Variants in DIAPH1 observed in about 807,000 individuals in gnomAD.
DIAPH1 encodes protein diaphanous homolog 1.
DIAPH1 carries 46 observed loss-of-function variants against 140.7 expected under a neutral mutation model. The ratio of observed to expected loss-of-function variants is 0.33; its 90% CI spans 0.26 to 0.42. The LOEUF (loss-of-function observed/expected upper bound fraction) is 0.42, where lower values mean the gene tolerates loss of function less well. DIAPH1 is among the 10% of genes least tolerant of loss of function. DIAPH1 has a pLI of 1.00. For synonymous variants in DIAPH1, 565 were observed against 551.6 expected (o/e 1.02, Z -0.34); for missense variants, 1,310 against 1,558.7 (o/e 0.84, Z 2.69).
At chr5:141,607,290 T>C (rs568905042) in intron 1 of DIAPH1, among the ~76,000 whole-genome samples, 1 of 152,352 alleles carries the variant, frequency 6.6e-6, no homozygotes, top group South Asian at 2.1e-4. Flanking sequence ...GCATTACCTA[T>C]CTGAGCCCAT....
At chr5:141,581,171 A>G (rs1027503851) in intron 7 of DIAPH1, among the ~76,000 whole-genome samples, 4 of 152,240 alleles carry the variant, frequency 2.6e-5, no homozygotes, top group Non-Finnish European at 4.4e-5. Flanking sequence ...GAGGGAGAAC[A>G]CCATGTGATC....
intron 19 of DIAPH1, 74 bp from the exon 20 acceptor site, chr5:141,529,771 G>A (rs1380038229): frequency 1.3e-5 from 17 of 1,328,522 alleles, no homozygotes; most frequent in Non-Finnish European, 1.7e-5. Flanking sequence ...GCAAACCTAT[G>A]CTGGATAATC....
At chr5:141,529,822 G>A (rs2099887929) in intron 19 of DIAPH1, 125 bp from the exon 20 acceptor site, 2 of 820,524 alleles carry the variant, frequency 2.4e-6, no homozygotes, top group Admixed American at 2.0e-5. Flanking sequence ...AGTGGCTCAT[G>A]CCTGTAATCC....
intron 1 of DIAPH1, among the ~76,000 whole-genome samples, chr5:141,597,841 A>C (rs892006588): frequency 3.9e-5 from 6 of 152,162 alleles, no homozygotes; most frequent in Non-Finnish European, 5.9e-5. Flanking sequence ...TGTCAAGGAT[A>C]CTCATTCCCA....
chr5:141,597,937 G>A (rs1259218330), intron 1 of DIAPH1, among the ~76,000 whole-genome samples: 1 of 152,200 alleles, frequency 6.6e-6, no homozygotes, highest in African/African-American at 2.4e-5. Context: ...ACAGAGCAGT[G>A]TACTCCCTCA....
At position 141,612,717 on chromosome 5, in the gene DIAPH1, T is replaced by C. The variant is rs559390987; in HGVS notation, c.117+6081A>G. On this transcript the variant is annotated intron_variant, in intron 1 of 27. Coordinates refer to ENST00000389054, the MANE Select transcript of DIAPH1 (RefSeq NM_005219.5). Reference sequence around the variant, plus strand: ...ACTGCTATATTCATTATCTTGACTATAGAAATGGTTTCATGAATAAATATG... The same window carrying C: ...ACTGCTATATTCATTATCTTGACTACAGAAATGGTTTCATGAATAAATATG... Among the ~76,000 whole-genome samples the C allele has an allele frequency of 4.6e-5, 7 of 152,308 alleles. No homozygotes were observed. In the East Asian group the frequency reaches 5.8e-4, roughly 13 times the overall value.
At chr5:141,537,794 G>C (rs2099889280) in intron 18 of DIAPH1, among the ~76,000 whole-genome samples, 1 of 152,102 alleles carries the variant, frequency 6.6e-6, no homozygotes, top group African/African-American at 2.4e-5. Flanking sequence ...GACTGGGATA[G>C]GTTATATACG....
At chr5:141,615,606 G>A (rs1431464524) in intron 1 of DIAPH1, among the ~76,000 whole-genome samples, 1 of 152,004 alleles carries the variant, frequency 6.6e-6, no homozygotes, top group Non-Finnish European at 1.5e-5. Context: ...AGCCAGGCGT[G>A]GTGGCAGGTG....
At chr5:141,517,196 AAGAG>A (rs1156593536) in intron 27 of DIAPH1, among the ~76,000 whole-genome samples, 188 bp from the exon 28 acceptor site, 3 of 152,224 alleles carry the variant, frequency 2.0e-5, no homozygotes, top group South Asian at 2.1e-4. Context: ...CAAAGAATGT[AAGAG>A]AGTGTGGTGC....
chr5:141,590,410 T>C (rs1300276440), intron 1 of DIAPH1, among the ~76,000 whole-genome samples: 2 of 152,134 alleles, frequency 1.3e-5, no homozygotes, highest in Non-Finnish European at 2.9e-5. Context: ...GATTATGTAA[T>C]AGAAGCAAAG....
intron 18 of DIAPH1, among the ~76,000 whole-genome samples, chr5:141,567,573 C>T (rs2099894571): frequency 6.6e-6 from 1 of 152,190 alleles, no homozygotes. Context: ...ATGGAACAGA[C>T]ATCTTTCTGC....
intron 18 of DIAPH1, among the ~76,000 whole-genome samples, chr5:141,548,104 T>G (rs1490561902): frequency 2.0e-5 from 3 of 151,740 alleles, no homozygotes; most frequent in Admixed American, 2.0e-4. Flanking sequence ...GAAGCTGAGG[T>G]AGGAGGCTCA....
intron 17 of DIAPH1, 95 bp downstream of exon 17, chr5:141,571,831 A>T (rs924054179): frequency 3.3e-6 from 3 of 897,722 alleles, no homozygotes; most frequent in Non-Finnish European, 5.7e-6. Flanking sequence ...TACCCTTTCT[A>T]TCTTCACCCA....
At chr5:141,517,178 T>C (rs959688732) in intron 27 of DIAPH1, among the ~76,000 whole-genome samples, 170 bp from the exon 28 acceptor site, 10 of 152,216 alleles carry the variant, frequency 6.6e-5, no homozygotes, top group African/African-American at 1.9e-4. Context: ...GAATATATTG[T>C]TGGGTGGCAA....
intron 1 of DIAPH1, among the ~76,000 whole-genome samples, chr5:141,594,939 G>T (rs1327262651): frequency 6.6e-6 from 1 of 151,592 alleles, no homozygotes; most frequent in Non-Finnish European, 1.5e-5. Context: ...TACTTGGGAG[G>T]CTGAGGCAGG....
intron 1 of DIAPH1, among the ~76,000 whole-genome samples, chr5:141,610,354 G>A (rs1466726057): frequency 1.3e-5 from 2 of 151,856 alleles, no homozygotes; most frequent in African/African-American, 2.4e-5. Flanking sequence ...AGGCTGGAGT[G>A]CAGTGGCACA....
chr5:141,577,174 C>G (rs1055761251), intron 12 of DIAPH1, among the ~76,000 whole-genome samples: 4 of 152,148 alleles, frequency 2.6e-5, no homozygotes, highest in Non-Finnish European at 5.9e-5. Flanking sequence ...TCTATACTTC[C>G]AGGAAACTAG....
chr5:141,521,671 G>A (rs1364573800), intron 27 of DIAPH1, among the ~76,000 whole-genome samples: 1 of 152,214 alleles, frequency 6.6e-6, no homozygotes. Flanking sequence ...AGGCAGATAT[G>A]TTCCACAGTG....
At chr5:141,545,382 T>TG (rs2099890635) in intron 18 of DIAPH1, among the ~76,000 whole-genome samples, 1 of 152,238 alleles carries the variant, frequency 6.6e-6, no homozygotes, top group African/African-American at 2.4e-5. Context: ...CTGGACACAG[T>TG]GGCTCATGCC....
Sources: allele counts gnomAD v4.1 joint callset (sites outside exome capture counted in the v4.1 genomes callset), GRCh38; gene constraint gnomAD v4.1.1; transcripts MANE v1.5; gene names NCBI Gene and HGNC (gene_info 2026-07-23, HGNC 2026-07-21).